Variants in RAP1GAP2 observed in about 807,000 individuals in gnomAD.
RAP1GAP2 encodes rap1 GTPase-activating protein 2.
In RAP1GAP2, 27 loss-of-function variants were observed where a neutral mutation model predicts 95.0. The observed-to-expected ratio is 0.28, with a 90% CI of 0.21 to 0.39. The LOEUF (loss-of-function observed/expected upper bound fraction) is 0.39. Among genes scored for constraint, RAP1GAP2 ranks in the 10% least tolerant of loss-of-function variants. RAP1GAP2 has a pLI of 1.00. For synonymous variants in RAP1GAP2, 373 were observed against 380.9 expected, an observed-to-expected ratio of 0.98 and a Z score of 0.24; for missense variants, 771 against 970.0, an observed-to-expected ratio of 0.79 and a Z score of 2.72.
chr17:2,790,363 T>C (rs2068893993), intron 1 of RAP1GAP2, among the ~76,000 whole-genome samples: 1 of 152,114 alleles, frequency 6.6e-6, no homozygotes, highest in Non-Finnish European at 1.5e-5. Context: ...CCACCCGCCT[T>C]GGCAGGTGTA....
chr17:2,967,076 A>G (rs1212494659), intron 8 of RAP1GAP2, among the ~76,000 whole-genome samples: 1 of 152,214 alleles, frequency 6.6e-6, no homozygotes, highest in Non-Finnish European at 1.5e-5. Flanking sequence ...TTCCTTAGAA[A>G]GCAGTGTTGT....
intron 2 of RAP1GAP2, among the ~76,000 whole-genome samples, chr17:2,852,617 C>CA (rs200945283): frequency 0.015 from 2,351 of 152,028 alleles, 50 homozygotes; most frequent in African/African-American, 0.052. Flanking sequence ...AAAACAACAA[C>CA]AAAAAACAAG....
chr17:2,967,845 A>G (rs1474145266), intron 8 of RAP1GAP2, among the ~76,000 whole-genome samples: 1 of 152,154 alleles, frequency 6.6e-6, no homozygotes, highest in African/African-American at 2.4e-5. Flanking sequence ...TTTTTAACGG[A>G]TGTCCCAAAT....
intron 2 of RAP1GAP2, among the ~76,000 whole-genome samples, chr17:2,862,227 G>C (rs1207006478): frequency 1.3e-5 from 2 of 152,190 alleles, no homozygotes; most frequent in Non-Finnish European, 2.9e-5. Flanking sequence ...TTGGGTCCTG[G>C]AACTGCCGCC....
chr17:2,923,193 C>A (rs566831135), intron 3 of RAP1GAP2, among the ~76,000 whole-genome samples: 116 of 151,984 alleles, frequency 7.6e-4, no homozygotes, highest in Non-Finnish European at 1.3e-3. Flanking sequence ...GCACCTGCCA[C>A]CACACCCAGT....
In RAP1GAP2 at chr17:2,862,438, G is replaced by A. The variant is rs2072440389; in HGVS notation, c.81-42846G>A. 2.0e-5 allele frequency among the ~76,000 whole-genome samples: 3 copies of A among 152,134 alleles called. No homozygotes were observed. In the South Asian group the frequency reaches 6.2e-4, roughly 31 times the overall value. ...GTCAGGCCTGTTCGGTGAAATCAAC[G>A]AAAAGCACTTCTGTTCAGACGGGGG... On this transcript the variant is annotated intron_variant, in intron 2 of 24. Coordinates refer to ENST00000254695, the MANE Select transcript of RAP1GAP2 (RefSeq NM_015085.5).
At position 3,029,089 on chromosome 17, in the gene RAP1GAP2, C is replaced by T. The variant is rs555122046; in HGVS notation, c.2108-1833C>T. ...CTGGGATTACAGGCGTGAGCCACCG[C>T]GCCTGACCTGGTGTTTTTGTTTTGT... On this transcript the variant is annotated intron_variant, in intron 22 of 24. Coordinates refer to ENST00000254695, the MANE Select transcript of RAP1GAP2 (RefSeq NM_015085.5). The surrounding 1 kb of genome is among the most constrained non-coding windows in gnomAD (Gnocchi z 4.4). 3.9e-5 allele frequency among the ~76,000 whole-genome samples: 6 copies of T among 152,290 alleles called. No individual in the cohort carries two copies. The highest frequency in any genetic ancestry group is 2.1e-4 in the South Asian group (1 of 4,824).
At chr17:2,846,325 T>C (rs2071587113) in intron 2 of RAP1GAP2, among the ~76,000 whole-genome samples, 1 of 152,186 alleles carries the variant, frequency 6.6e-6, no homozygotes, top group Non-Finnish European at 1.5e-5. Context: ...TTGTTCCCCT[T>C]TATTATTGGG....
intron 16 of RAP1GAP2, 29 bp from the exon 17 acceptor site, chr17:3,007,982 T>C (rs2046388142): frequency 6.2e-7 from 1 of 1,609,718 alleles, no homozygotes; most frequent in Non-Finnish European, 8.5e-7. Flanking sequence ...CAGAGCCAGC[T>C]TCTCCATCCC....
At chr17:2,828,438 G>C (rs1195047540) in intron 2 of RAP1GAP2, among the ~76,000 whole-genome samples, 1 of 151,844 alleles carries the variant, frequency 6.6e-6, no homozygotes, top group Non-Finnish European at 1.5e-5. Context: ...AAAAGAAGTG[G>C]CATTTGAAGG....
intron 2 of RAP1GAP2, among the ~76,000 whole-genome samples, chr17:2,873,370 G>A (rs576632927): frequency 6.8e-6 from 1 of 147,130 alleles, no homozygotes; most frequent in Non-Finnish European, 1.5e-5. Context: ...AGCTACTTGG[G>A]AGGCTGAGGT....
rs183208208 is a variant in RAP1GAP2 at position 2,797,487 on chromosome 17, C to T, written c.44+916C>T. On this transcript the variant is annotated intron_variant, in intron 1 of 24. Coordinates refer to ENST00000254695, the MANE Select transcript of RAP1GAP2 (RefSeq NM_015085.5). The surrounding 1 kb of genome is among the most constrained non-coding windows in gnomAD (Gnocchi z 5.6). ...GTTGTCAGACTGGGAGAGGGCCCCG[C>T]GGGAGGTGGCCGGGGGGTGTCCCGG... 7.4e-5 allele frequency among the ~76,000 whole-genome samples: 11 copies of T among 148,414 alleles called. No homozygotes were observed. Among genetic ancestry groups the T allele is most frequent in the African/African-American group, 2.0e-4 (8 of 39,866 alleles).
chr17:3,019,945 C>T (rs765935990), intron 18 of RAP1GAP2, among the ~76,000 whole-genome samples: 9 of 152,368 alleles, frequency 5.9e-5, no homozygotes, highest in East Asian at 5.8e-4. Context: ...TGCCGCCAAC[C>T]GCCCATTGGT....
chr17:2,799,261 G>A (rs2151476962), intron 1 of RAP1GAP2, among the ~76,000 whole-genome samples: 1 of 152,170 alleles, frequency 6.6e-6, no homozygotes, highest in East Asian at 1.9e-4. Flanking sequence ...AGACCCTCAG[G>A]GACCAGTAGT....
At chr17:3,006,301 G>A (rs2046333071) in intron 16 of RAP1GAP2, among the ~76,000 whole-genome samples, 1 of 147,836 alleles carries the variant, frequency 6.8e-6, no homozygotes, top group African/African-American at 2.5e-5. Context: ...GCTAATTTTT[G>A]TATTTTTAGT....
At chr17:2,861,477 C>CTT (rs560177617) in intron 2 of RAP1GAP2, among the ~76,000 whole-genome samples, 95 of 132,522 alleles carry the variant, frequency 7.2e-4, no homozygotes, top group African/African-American at 1.9e-3. Flanking sequence ...TCTCTGGGGT[C>CTT]TTTTTTTTTT....
chr17:2,764,489 G>C (rs534930202), intron 1 of RAP1GAP2, among the ~76,000 whole-genome samples: 2 of 152,044 alleles, frequency 1.3e-5, no homozygotes, highest in African/African-American at 4.8e-5. Flanking sequence ...TTGGGAAGCC[G>C]AGGCGGGTGG....
chr17:3,009,115 G>T (rs892719284), intron 17 of RAP1GAP2, among the ~76,000 whole-genome samples: 1 of 152,112 alleles, frequency 6.6e-6, no homozygotes, highest in Non-Finnish European at 1.5e-5. Flanking sequence ...GCAGCTCTGT[G>T]GGATCCTGGG....
At chr17:2,976,492 A>C (rs2045127520) in intron 8 of RAP1GAP2, among the ~76,000 whole-genome samples, 1 of 152,198 alleles carries the variant, frequency 6.6e-6, no homozygotes, top group South Asian at 2.1e-4. Flanking sequence ...GAACTGACAA[A>C]ATATTTAGAA....
Sources: allele counts gnomAD v4.1 joint callset (sites outside exome capture counted in the v4.1 genomes callset), GRCh38; gene constraint gnomAD v4.1.1; non-coding constraint Gnocchi (gnomAD v3.1); transcripts MANE v1.5; gene names NCBI Gene and HGNC (gene_info 2026-07-23, HGNC 2026-07-21).